The following GLT1D1 variants were observed in gnomAD, a reference collection of about 807,000 sequenced individuals.
GLT1D1 encodes the protein glycosyltransferase 1 domain-containing protein 1.
A neutral mutation model predicts 28.7 loss-of-function variants in GLT1D1; 21 were observed. The observed-to-expected ratio is 0.73, with a 90% CI of 0.52 to 1.05. The LOEUF (loss-of-function observed/expected upper bound fraction) is 1.05, where lower values mean the gene tolerates loss of function less well. Among genes scored for constraint, GLT1D1 ranks in the 50% least tolerant of loss-of-function variants. The pLI is 0.00. For missense variants in GLT1D1, 343 were observed against 330.6 expected, an observed-to-expected ratio of 1.04 and a Z score of -0.29; for synonymous variants, 147 against 124.8, an observed-to-expected ratio of 1.18 and a Z score of -1.19.
intron 6 of GLT1D1, among the ~76,000 whole-genome samples, chr12:128,954,004 C>G (rs1352793764): frequency 6.6e-6 from 1 of 152,128 alleles, no homozygotes; most frequent in East Asian, 1.9e-4. Flanking sequence ...CCTTGGCCTC[C>G]CAAAGTTCTG....
intron 2 of GLT1D1, among the ~76,000 whole-genome samples, chr12:128,884,028 T>C (rs1188786476): frequency 6.6e-6 from 1 of 151,840 alleles, no homozygotes; most frequent in African/African-American, 2.4e-5. Context: ...AAATGAAAAA[T>C]AGAACTACCG....
chr12:128,915,008 T>C lies in GLT1D1; in HGVS notation c.375+15721T>C. The C allele has an allele frequency of 6.6e-7, 1 of 1,526,538 alleles. No homozygotes were observed. The highest frequency in any genetic ancestry group is 8.8e-7 in the Non-Finnish European group (1 of 1,138,808). The allele number at this position is 1,526,538 out of a possible 1,614,324, so 94.6% of individuals were successfully genotyped here. The stretch of plus-strand genomic sequence containing the variant: ...CGCTCTGGTGAGACATGAGATCTTC[T>C]TAGAGGATTTTGATGAAGTGCATCT... On this transcript the variant is annotated intron_variant, in intron 4 of 7. Transcript: ENST00000281703.
At chr12:128,973,512 C>G (rs539342596) in intron 7 of GLT1D1, among the ~76,000 whole-genome samples, 1 of 151,914 alleles carries the variant, frequency 6.6e-6, no homozygotes, top group South Asian at 2.1e-4. Context: ...TCTTTCCTCT[C>G]CCCCAGGCAT....
intron 2 of GLT1D1, among the ~76,000 whole-genome samples, chr12:128,885,344 T>C (rs1957151953): frequency 6.6e-6 from 1 of 152,148 alleles, no homozygotes; most frequent in Non-Finnish European, 1.5e-5. Flanking sequence ...TGCCTCAGCC[T>C]CCCGAGTAGC....
chr12:128,919,575 A>C (rs1462261450), intron 4 of GLT1D1, among the ~76,000 whole-genome samples: 2 of 152,236 alleles, frequency 1.3e-5, no homozygotes, highest in African/African-American at 4.8e-5. Context: ...TATGCTTACC[A>C]TTATCTCACA....
chr12:128,979,250 T>C (rs1880092617), intron 7 of GLT1D1, among the ~76,000 whole-genome samples: 1 of 152,218 alleles, frequency 6.6e-6, no homozygotes. Flanking sequence ...CTCAGCAGCT[T>C]GAAGCCACAC....
chr12:128,887,104 C>T (rs182213651), intron 2 of GLT1D1, among the ~76,000 whole-genome samples: 15 of 151,998 alleles, frequency 9.9e-5, no homozygotes, highest in African/African-American at 3.1e-4. Flanking sequence ...CTCTGCCTCC[C>T]GGGTTCAAGT....
chr12:128,952,098 G>A (rs998390473), intron 6 of GLT1D1, among the ~76,000 whole-genome samples: 2 of 152,096 alleles, frequency 1.3e-5, no homozygotes, highest in Admixed American at 6.6e-5. Context: ...ATGCCGCAGC[G>A]GACAGACGCT....
At chr12:128,970,682 C>T (rs1392348903) in intron 7 of GLT1D1, among the ~76,000 whole-genome samples, 2 of 152,260 alleles carry the variant, frequency 1.3e-5, no homozygotes, top group Non-Finnish European at 1.5e-5. Context: ...AACCGAGCTG[C>T]GCCCACGGCT....
intron 7 of GLT1D1, among the ~76,000 whole-genome samples, chr12:128,958,766 A>G (rs1877571861): frequency 6.7e-6 from 1 of 149,598 alleles, no homozygotes; most frequent in Non-Finnish European, 1.5e-5. Flanking sequence ...AAAAAAAAAA[A>G]AAAAAAAAAA....
chr12:128,862,659 A>G (rs1485612817), intron 1 of GLT1D1, among the ~76,000 whole-genome samples: 2 of 152,174 alleles, frequency 1.3e-5, no homozygotes, highest in Admixed American at 6.6e-5. Context: ...ACAAAAAGAA[A>G]GTTGTTAATA....
intron 4 of GLT1D1, chr12:128,906,878 T>C (rs1041128297): frequency 2.8e-6 from 2 of 702,418 alleles, no homozygotes; most frequent in Non-Finnish European, 5.2e-6. Flanking sequence ...CATTTACTCA[T>C]CAAAATTCTT....
intron 4 of GLT1D1, among the ~76,000 whole-genome samples, chr12:128,903,645 T>C (rs1470039751): frequency 1.1e-4 from 17 of 151,830 alleles, no homozygotes; most frequent in Admixed American, 1.1e-3. Context: ...GAGAATAGTA[T>C]ATACTGTCTC....
At chr12:128,964,774 C>T (rs368676157) in intron 7 of GLT1D1, among the ~76,000 whole-genome samples, 1 of 152,162 alleles carries the variant, frequency 6.6e-6, no homozygotes, top group African/African-American at 2.4e-5. Context: ...GAGAAGCCTG[C>T]AGGTTTACCT....
intron 4 of GLT1D1, among the ~76,000 whole-genome samples, chr12:128,908,954 T>A (rs1250883705): frequency 6.6e-6 from 1 of 150,778 alleles, no homozygotes; most frequent in Non-Finnish European, 1.5e-5. Context: ...GTCTCAAAAA[T>A]AAATAAATAA....
chr12:128,945,711 C>T (rs11614932), intron 5 of GLT1D1, among the ~76,000 whole-genome samples: 24,756 of 152,120 alleles, frequency 0.16, 2,137 homozygotes, highest in Non-Finnish European at 0.19. Flanking sequence ...TTGCATTTGT[C>T]GGCCAGGAAC....
chr12:128,878,409 CT>C (rs1333432624), intron 2 of GLT1D1, among the ~76,000 whole-genome samples: 26 of 152,282 alleles, frequency 1.7e-4, no homozygotes, highest in African/African-American at 5.5e-4. Flanking sequence ...TTTAATTTTT[CT>C]ATTTCACCTT....
chr12:128,870,067 T>C (rs1235096318), intron 1 of GLT1D1, among the ~76,000 whole-genome samples: 1 of 151,342 alleles, frequency 6.6e-6, no homozygotes, highest in Non-Finnish European at 1.5e-5. Flanking sequence ...TGCACCACCA[T>C]ACCCAGCTAC....
intron 7 of GLT1D1, among the ~76,000 whole-genome samples, chr12:128,968,800 G>T (rs755966786): frequency 1.3e-5 from 2 of 152,138 alleles, no homozygotes; most frequent in Non-Finnish European, 2.9e-5. Context: ...GAGAGGGTGG[G>T]TCCCTTGCCT....
Sources: allele counts gnomAD v4.1 joint callset (sites outside exome capture counted in the v4.1 genomes callset), GRCh38; gene constraint gnomAD v4.1.1; transcripts MANE v1.5; gene names NCBI Gene and HGNC (gene_info 2026-07-23, HGNC 2026-07-21).